The following QTGAL variants were observed in gnomAD, a reference collection of about 807,000 sequenced individuals.
QTGAL encodes BGnT-like protein 1.
chr17:82,965,774 A>G, the QTGAL span: 33 of 1,583,098 alleles, frequency 2.1e-5, no homozygotes, highest in Non-Finnish European at 2.7e-5. Context: ...TGACAGAGTT[A>G]GCGGAAAAGA....
At chr17:82,970,616 C>CCACCCGGCGTGGCCGTGACCTCCG in the QTGAL span, among the ~76,000 whole-genome samples, 1 of 31,212 alleles carries the variant, frequency 3.2e-5, no homozygotes, top group Non-Finnish European at 6.8e-5. Flanking sequence ...CGCGACCTCC[C>CCACCCGGCGTGGCCGTGACCTCCG]CACCCGGCGT....
the QTGAL span, among the ~76,000 whole-genome samples, chr17:83,020,686 T>C: frequency 5.9e-5 from 9 of 152,262 alleles, no homozygotes; most frequent in Non-Finnish European, 1.0e-4. Flanking sequence ...CATCCGGTCA[T>C]TTCTAAAACC....
the QTGAL span, among the ~76,000 whole-genome samples, chr17:82,999,191 T>C: frequency 6.6e-6 from 1 of 152,124 alleles, no homozygotes; most frequent in African/African-American, 2.4e-5. Context: ...CAAAGGCTTG[T>C]ACATATGTTC....
the QTGAL span, among the ~76,000 whole-genome samples, chr17:83,008,951 A>G: frequency 6.6e-6 from 1 of 152,162 alleles, no homozygotes; most frequent in East Asian, 1.9e-4. Flanking sequence ...GCCCTTCCTG[A>G]CCCACAAAGA....
At chr17:82,988,379 C>T in the QTGAL span, among the ~76,000 whole-genome samples, 126,222 of 152,148 alleles carry the variant, frequency 0.83, 52,876 homozygotes, top group African/African-American at 0.95. Context: ...AAGACTTAAA[C>T]GTAAAACCCA....
the QTGAL span, among the ~76,000 whole-genome samples, chr17:82,954,167 TAA>T: frequency 1.3e-5 from 2 of 152,082 alleles, no homozygotes; most frequent in Non-Finnish European, 2.9e-5. Context: ...GAGAAAGAAA[TAA>T]AGAGTATTCA....
At chr17:83,040,319 C>T in the QTGAL span, among the ~76,000 whole-genome samples, 3 of 152,258 alleles carry the variant, frequency 2.0e-5, no homozygotes, top group Non-Finnish European at 2.9e-5. Flanking sequence ...CAACTAAAAA[C>T]GTATCATCTG....
chr17:82,960,861 A>G, the QTGAL span, among the ~76,000 whole-genome samples: 1 of 152,232 alleles, frequency 6.6e-6, no homozygotes, highest in Non-Finnish European at 1.5e-5. Context: ...GCCCTTGGGA[A>G]ATGCCCCTTC....
chr17:82,993,513 T>C, the QTGAL span, among the ~76,000 whole-genome samples: 1 of 152,054 alleles, frequency 6.6e-6, no homozygotes, highest in Non-Finnish European at 1.5e-5. Context: ...ACCCTCAATA[T>C]AATAACATCT....
the QTGAL span, among the ~76,000 whole-genome samples, chr17:82,962,608 C>T: frequency 1.6e-4 from 19 of 116,160 alleles, 2 homozygotes; most frequent in African/African-American, 5.0e-4. Context: ...GACCCTCACA[C>T]GGGTGATTTA....
the QTGAL span, among the ~76,000 whole-genome samples, chr17:83,019,428 A>G: frequency 2.0e-5 from 3 of 152,258 alleles, no homozygotes; most frequent in Non-Finnish European, 4.4e-5. Flanking sequence ...ACTAAAAGAT[A>G]TAAGACATGA....
the QTGAL span, among the ~76,000 whole-genome samples, chr17:82,980,029 G>A: frequency 3.3e-5 from 5 of 152,066 alleles, no homozygotes; most frequent in South Asian, 4.1e-4. Flanking sequence ...AAGCCAAAAC[G>A]AACAAACAAA....
At chr17:83,016,146 T>G in the QTGAL span, among the ~76,000 whole-genome samples, 1 of 152,170 alleles carries the variant, frequency 6.6e-6, no homozygotes, top group Non-Finnish European at 1.5e-5. Flanking sequence ...TTTTGTGCAT[T>G]TTTCTGTGGG....
chr17:82,992,555 A>G, the QTGAL span, among the ~76,000 whole-genome samples: 1 of 152,262 alleles, frequency 6.6e-6, no homozygotes, highest in Non-Finnish European at 1.5e-5. Flanking sequence ...CTGTCCTACA[A>G]GAAATGCTAA....
the QTGAL span, among the ~76,000 whole-genome samples, chr17:82,976,052 C>T: frequency 4.1e-5 from 4 of 97,042 alleles, 1 homozygote; most frequent in South Asian, 1.3e-3. Flanking sequence ...GGACTCCATC[C>T]TCCCAGGGGC....
At chr17:83,010,541 A>T in the QTGAL span, among the ~76,000 whole-genome samples, 1 of 152,174 alleles carries the variant, frequency 6.6e-6, no homozygotes, top group African/African-American at 2.4e-5. Context: ...ATGGGCTCAC[A>T]GGGCTGGGGG....
the QTGAL span, chr17:83,035,162 A>G: frequency 2.2e-6 from 3 of 1,379,758 alleles, no homozygotes; most frequent in Non-Finnish European, 3.1e-6. Context: ...TCTCTTTCAT[A>G]GAGCTTAGTA....
At chr17:83,041,969 T>G in the QTGAL span, among the ~76,000 whole-genome samples, 26 of 152,294 alleles carry the variant, frequency 1.7e-4, no homozygotes, top group African/African-American at 5.8e-4. Context: ...CAGGAACTCA[T>G]AGAGAAAGAA....
the QTGAL span, among the ~76,000 whole-genome samples, chr17:82,989,318 A>G: frequency 1.7e-4 from 26 of 151,788 alleles, no homozygotes; most frequent in Admixed American, 1.7e-3. Flanking sequence ...ACACGGGGGG[A>G]ACAACACACA....
Sources: gnomAD v4.1 joint callset for allele counts (sites outside exome capture counted in the v4.1 genomes callset) on GRCh38, gnomAD v4.1.1 for gene constraint, MANE v1.5 for transcripts, NCBI Gene and HGNC (gene_info 2026-07-23, HGNC 2026-07-21) for gene names.